MRNIP: variants seen among roughly 807,000 people sequenced by gnomAD.
MRNIP encodes MRN complex interacting protein, also known as MRN complex-interacting protein.
MRNIP carries 30 observed loss-of-function variants against 29.8 expected under a neutral mutation model. The ratio of observed to expected loss-of-function variants is 1.01; its 90% CI spans 0.75 to 1.36. The LOEUF is 1.36. Ranked by LOEUF, MRNIP falls within the 40% of genes most tolerant of loss-of-function variation. The pLI, the probability that MRNIP is intolerant of heterozygous loss-of-function variation, is 0.00. For synonymous variants in MRNIP, 201 were observed against 164.1 expected (o/e 1.23, Z -1.72); for missense variants, 459 against 423.5 (o/e 1.08, Z -0.74).
intron 2 of MRNIP, among the ~76,000 whole-genome samples, chr5:179,852,686 A>G (rs1444896677): frequency 6.6e-6 from 1 of 152,250 alleles, no homozygotes; most frequent in African/African-American, 2.4e-5. Flanking sequence ...GAAAGAAAGC[A>G]CATGGCTGTA....
chr5:179,857,655 A>G (rs1295566702), intron 1 of MRNIP, among the ~76,000 whole-genome samples: 2 of 152,216 alleles, frequency 1.3e-5, no homozygotes, highest in African/African-American at 4.8e-5. Flanking sequence ...AACGCTTAGC[A>G]TTAAATGCAA....
intron 2 of MRNIP, among the ~76,000 whole-genome samples, chr5:179,850,515 C>A (rs938468522): frequency 1.6e-4 from 25 of 152,204 alleles, no homozygotes; most frequent in Admixed American, 8.5e-4. Context: ...CAGTGCCTGG[C>A]AGCTAGTAAG....
Position 179,858,708 on chromosome 5 carries a change from G to C in MRNIP, c.66+23C>G, listed in dbSNP as rs779330292. 2.8e-6 allele frequency: 4 copies of C among 1,440,154 alleles called. No individual in the cohort carries two copies. The South Asian group carries it at 5.1e-5, about 18-fold the overall frequency. The allele number at this position is 1,440,154 out of a possible 1,614,324, so 89.2% of individuals were successfully genotyped here. ...CGCTGTCCCCGCGCCGGAGGAGGAG[G>C]AGGGGGCTGGCACCCGCCAGACCTG... On this transcript the variant is annotated intron_variant, in intron 1 of 6. Coordinates refer to ENST00000292586, the MANE Select transcript of MRNIP (RefSeq NM_016175.4).
intron 4 of MRNIP, among the ~76,000 whole-genome samples, chr5:179,843,081 G>GGGAGGGAGGGAGGCAGGCAA (rs1554093140): frequency 1.4e-5 from 2 of 146,080 alleles, no homozygotes; most frequent in Admixed American, 7.1e-5. Flanking sequence ...GAGGGAGGGA[G>GGGAGGGAGGGAGGCAGGCAA]GCAGGCAAGC....
intron 2 of MRNIP, 108 bp downstream of exon 2, chr5:179,853,270 G>A (rs750093441): frequency 3.8e-5 from 61 of 1,595,586 alleles, no homozygotes; most frequent in Non-Finnish European, 4.8e-5. Context: ...TCCGTGTCTG[G>A]GGAACTCTGT....
chr5:179,848,924 AG>A (rs1375399622), intron 2 of MRNIP, among the ~76,000 whole-genome samples: 2 of 152,214 alleles, frequency 1.3e-5, no homozygotes, highest in Non-Finnish European at 2.9e-5. Context: ...GCTGGAGCTG[AG>A]GGGTCTAAGG....
intron 1 of MRNIP, among the ~76,000 whole-genome samples, chr5:179,855,568 C>G (rs1208327653): frequency 6.6e-6 from 1 of 152,162 alleles, no homozygotes; most frequent in African/African-American, 2.4e-5. Context: ...GAGCAGACAT[C>G]TAATTAGAAC....
At chr5:179,840,634 G>C (rs1415023568) in intron 6 of MRNIP, 1 of 584,050 alleles carries the variant, frequency 1.7e-6, no homozygotes, top group East Asian at 2.9e-5. Flanking sequence ...TTCTCCAAGG[G>C]TCACAATGCT....
chr5:179,840,969 C>T lies in MRNIP; in HGVS notation c.450-10G>A, dbSNP rs201951253. ...GCTCCTGCTCCACTTCCTGTCAGGA[C>T]AGGACCGTCAGTAGTCCCGTGCTAC... On this transcript the variant is annotated splice_polypyrimidine_tract_variant and intron_variant, in intron 5 of 6. Transcript: ENST00000292586. 5,827 of 1,582,838 alleles carry T rather than the reference C, an allele frequency of 3.7e-3. 11 individuals are homozygous for T. Among genetic ancestry groups the T allele is most frequent in the Non-Finnish European group, 4.8e-3 (5,530 of 1,161,598 alleles).
In MRNIP at chr5:179,851,600, A is replaced by G. The variant is rs1043894193; in HGVS notation, c.126+1778T>C. Among the ~76,000 whole-genome samples the G allele has an allele frequency of 2.6e-5, 4 of 152,066 alleles. No individual in the cohort carries two copies. The East Asian group carries it at 7.7e-4, about 29-fold the overall frequency. ...GCCCTTGGATTCCCTAAGAGATCTC[A>G]TTACCTTGCCAGCACTTTATTTATT... On this transcript the variant is annotated intron_variant, in intron 2 of 6. Transcript: ENST00000292586.
intron 4 of MRNIP, among the ~76,000 whole-genome samples, chr5:179,842,425 A>C (rs1306803574): frequency 6.6e-6 from 1 of 151,968 alleles, no homozygotes; most frequent in Non-Finnish European, 1.5e-5. Flanking sequence ...TCACACCTGT[A>C]ATCCCAGCAC....
chr5:179,837,616 T>C lies in MRNIP; in HGVS notation c.807A>G (p.Ala269=), dbSNP rs2113529003. 1 of 1,614,240 alleles carries C rather than the reference T, an allele frequency of 6.2e-7. No individual in the cohort carries two copies. Among genetic ancestry groups the C allele is most frequent in the East Asian group, 2.2e-5 (1 of 44,894 alleles). ...TGCTGAGGCCTTCTCTTGAGGCCTG[T>C]GCTCTGGGGGTCCCTTGCTTAGCCT... is the stretch of plus-strand genomic sequence containing the variant. ...PAQAKQGTPR[A]QASREGLSRP... The change falls in exon 7 of 7, where the codon GCA becomes GCG. Residue 269 remains alanine, a synonymous_variant. Transcript: ENST00000292586.
intron 1 of MRNIP, among the ~76,000 whole-genome samples, chr5:179,856,354 G>A (rs1312501763): frequency 1.3e-5 from 2 of 152,166 alleles, no homozygotes; most frequent in Non-Finnish European, 2.9e-5. Context: ...TCTCTAAGAT[G>A]GGAATGATGC....
Position 179,843,015 on chromosome 5 carries a change from C to G in MRNIP, c.292-951G>C, listed in dbSNP as rs542789795. On this transcript the variant is annotated intron_variant, in intron 4 of 6. Transcript: ENST00000292586. ...GCCACTGCACTCCGGCTGGGGGACA[C>G]AGCGAGACTCTGTCGAAAGGAGGAA... 2.7e-3 allele frequency among the ~76,000 whole-genome samples: 320 copies of G among 117,898 alleles called. 2 individuals are homozygous for G. The highest frequency in any genetic ancestry group is 0.01 in the African/African-American group (290 of 28,482). The allele number at this position is 117,898 out of a possible 152,430, so 77.3% of individuals were successfully genotyped here.
intron 2 of MRNIP, among the ~76,000 whole-genome samples, chr5:179,851,617 T>C (rs1227839658): frequency 6.6e-6 from 1 of 152,046 alleles, no homozygotes; most frequent in Admixed American, 6.6e-5. Context: ...TGCCAGCACT[T>C]TATTTATTTA....
At chr5:179,844,519 T>C (rs987671603) in intron 3 of MRNIP, among the ~76,000 whole-genome samples, 1 of 152,136 alleles carries the variant, frequency 6.6e-6, no homozygotes, top group African/African-American at 2.4e-5. Flanking sequence ...CTCCCTGGGC[T>C]CAGGTGGATC....
intron 1 of MRNIP, among the ~76,000 whole-genome samples, chr5:179,857,152 A>G (rs116408275): frequency 0.019 from 2,803 of 149,618 alleles, 100 homozygotes; most frequent in African/African-American, 0.065. Flanking sequence ...ACAGGAAAAC[A>G]AACAAGGAAA....
chr5:179,845,603 C>T (rs1262879512), intron 3 of MRNIP, among the ~76,000 whole-genome samples: 1 of 151,698 alleles, frequency 6.6e-6, no homozygotes, highest in African/African-American at 2.4e-5. Flanking sequence ...TCAAGCGATT[C>T]TTATGCCTCA....
chr5:179,858,773 C>T lies in MRNIP; in HGVS notation c.24G>A (p.Arg8=), dbSNP rs1301705147. The change falls in exon 1 of 7, where the codon CGG becomes CGA. Residue 8 remains arginine, a synonymous_variant. Transcript: ENST00000292586. Reference sequence around the variant, plus strand: ...GGCGGCAGCTGCAGCAGCGTAGCACCCGAGAACGCTGAAGCGACGCCATCC... The same window carrying T: ...GGCGGCAGCTGCAGCAGCGTAGCACTCGAGAACGCTGAAGCGACGCCATCC... MASLQRS[R]VLRCCSCRLF... 2.1e-5 allele frequency: 32 copies of T among 1,541,156 alleles called. No individual in the cohort carries two copies. Among genetic ancestry groups the T allele is most frequent in the Non-Finnish European group, 2.7e-5 (31 of 1,143,852 alleles).
Sources: gnomAD v4.1 joint callset for allele counts (sites outside exome capture counted in the v4.1 genomes callset) on GRCh38, gnomAD v4.1.1 for gene constraint, MANE v1.5 for transcripts, NCBI Gene and HGNC (gene_info 2026-07-23, HGNC 2026-07-21) for gene names.